Variants in ARHGAP22 observed in about 807,000 individuals in gnomAD.
The protein encoded by ARHGAP22 is Rho GTPase activating protein 22, also known as rho GTPase-activating protein 22.
A neutral mutation model predicts 59.1 loss-of-function variants in ARHGAP22; 48 were observed. The ratio of observed to expected loss-of-function variants is 0.81; its 90% CI spans 0.64 to 1.03. ARHGAP22 has a LOEUF of 1.03. ARHGAP22 is among the 50% of genes least tolerant of loss of function. The probability of loss-of-function intolerance (pLI) is 0.00; values close to 1 mark genes in which losing one functional copy is unlikely to be tolerated. For missense variants in ARHGAP22, 1,015 were observed against 958.7 expected (o/e 1.06, Z -0.78); for synonymous variants, 445 against 416.4 (o/e 1.07, Z -0.84).
intron 1 of ARHGAP22, among the ~76,000 whole-genome samples, chr10:48,645,542 C>A (rs2062257123): frequency 6.6e-6 from 1 of 151,910 alleles, no homozygotes; most frequent in Admixed American, 6.6e-5. Context: ...AGGACAAAAC[C>A]CATATAATCA....
In ARHGAP22 at chr10:48,470,495, G is replaced by A. The variant is rs577943771; in HGVS notation, c.451+9141C>T. 1.2e-3 allele frequency among the ~76,000 whole-genome samples: 183 copies of A among 152,312 alleles called. 6 individuals carry two copies. The South Asian group carries it at 0.036, about 30-fold the overall frequency. ...GGGGCTCTGGCAGGGGAGAAGCCTT[G>A]AGCGCTGCAGGGGAAGGAGGCCCAA... On this transcript the variant is annotated intron_variant, in intron 4 of 9. Transcript: ENST00000249601.
rs377495248 is a variant in ARHGAP22 at position 48,450,794 on chromosome 10, G to A, written c.1335C>T (p.Gly445=). The change falls in exon 9 of 10, where the codon GGC becomes GGT. Residue 445 remains glycine, a synonymous_variant. Coordinates refer to ENST00000249601, the MANE Select transcript of ARHGAP22 (RefSeq NM_021226.4). The stretch of plus-strand genomic sequence containing the variant: ...TGATGGGCACCTCCAGGGATGAGCC[G>A]CCCCCCTTCGGGCTTCCCGATAGGG... ...PRSLSGSPKG[G]GSSLEVPIIS... is the part of the protein sequence containing the mutation. The A allele has an allele frequency of 9.5e-6, 15 of 1,570,794 alleles. No individual in the cohort carries two copies. The highest frequency in any genetic ancestry group is 2.4e-5 in the South Asian group (2 of 84,106).
At chr10:48,524,179 G>T in intron 3 of ARHGAP22, 1 of 1,097,546 alleles carries the variant, frequency 9.1e-7, no homozygotes, top group Non-Finnish European at 1.1e-6. Flanking sequence ...CGCGGCCGAG[G>T]TCCGGCCCAC....
At chr10:48,538,552 T>C (rs2055596801) in intron 3 of ARHGAP22, among the ~76,000 whole-genome samples, 1 of 152,238 alleles carries the variant, frequency 6.6e-6, no homozygotes, top group Admixed American at 6.5e-5. Context: ...TTTTCAGTAA[T>C]TGTAATTCCA....
chr10:48,519,535 T>G (rs2053610687), intron 3 of ARHGAP22, among the ~76,000 whole-genome samples: 1 of 152,232 alleles, frequency 6.6e-6, no homozygotes, highest in South Asian at 2.1e-4. Flanking sequence ...TTCCTGTCTC[T>G]GCCCACACTC....
At chr10:48,643,451 T>G (rs1021063643) in intron 1 of ARHGAP22, among the ~76,000 whole-genome samples, 1 of 152,084 alleles carries the variant, frequency 6.6e-6, no homozygotes, top group South Asian at 2.1e-4. Context: ...ATGTCCTTTG[T>G]AGGGACATGG....
At chr10:48,551,728 A>G (rs1032618927) in intron 3 of ARHGAP22, among the ~76,000 whole-genome samples, 1 of 152,344 alleles carries the variant, frequency 6.6e-6, no homozygotes, top group Non-Finnish European at 1.5e-5. Flanking sequence ...AAGCCCCCTT[A>G]TAAGAGTGTT....
In ARHGAP22 at chr10:48,450,500, C is replaced by A. The variant is rs2045811425; in HGVS notation, c.1629G>T (p.Leu543=). 2.0e-6 allele frequency: 3 copies of A among 1,530,996 alleles called. No homozygotes were observed. In the African/African-American group the frequency reaches 4.1e-5, roughly 21 times the overall value. 94.8% of individuals were successfully genotyped at this position (1,530,996 alleles called of 1,614,324 possible). A position where few individuals can be genotyped will look rare whatever the true frequency, so the allele number is the denominator to read the frequency against. ...AGGGCTCCAGGGCCCAGTCGGTGTGCAGGGAACTGCGGGCAGACGAGTCGC... is the reference window on the plus strand; with the variant it reads ...AGGGCTCCAGGGCCCAGTCGGTGTGAAGGGAACTGCGGGCAGACGAGTCGC... ...RASDSSARSS[L]HTDWALEPSP... is the part of the protein sequence containing the mutation. Residue 543 remains leucine (L), a synonymous_variant, in exon 9 of 10, where the codon CTG becomes CTT. Transcript: ENST00000249601.
chr10:48,592,236 G>C (rs1214312750), intron 1 of ARHGAP22, among the ~76,000 whole-genome samples: 3 of 152,102 alleles, frequency 2.0e-5, no homozygotes, highest in South Asian at 4.1e-4. Context: ...GCCTAGGCTA[G>C]ACTCGAACTC....
At chr10:48,520,076 A>T (rs1431153690) in intron 3 of ARHGAP22, among the ~76,000 whole-genome samples, 3 of 152,204 alleles carry the variant, frequency 2.0e-5, no homozygotes, top group African/African-American at 7.2e-5. Flanking sequence ...ATTGGTTGTG[A>T]GAAATGAAGA....
At chr10:48,443,653 G>C (rs1361045063), downstream of ARHGAP22, among the ~76,000 whole-genome samples, 1 of 152,076 alleles carries the variant, frequency 6.6e-6, no homozygotes, top group Non-Finnish European at 1.5e-5. Context: ...TACTGGGAGG[G>C]CTCTGCAGGG....
At chr10:48,449,333 G>A (rs2045665427) in intron 9 of ARHGAP22, among the ~76,000 whole-genome samples, 1 of 152,166 alleles carries the variant, frequency 6.6e-6, no homozygotes, top group African/African-American at 2.4e-5. Flanking sequence ...CTGCCCTCAA[G>A]GTCCCTCTCC....
At chr10:48,448,564 A>C (rs1470807647) in intron 9 of ARHGAP22, among the ~76,000 whole-genome samples, 1 of 152,104 alleles carries the variant, frequency 6.6e-6, no homozygotes, top group Non-Finnish European at 1.5e-5. Flanking sequence ...CTCTGACCAG[A>C]GTCCTGGGAG....
At chr10:48,457,499 C>A (rs2046662139) in intron 5 of ARHGAP22, among the ~76,000 whole-genome samples, 1 of 152,204 alleles carries the variant, frequency 6.6e-6, no homozygotes, top group African/African-American at 2.4e-5. Context: ...CTAGGCCTCC[C>A]AGTGCTCCCT....
intron 3 of ARHGAP22, among the ~76,000 whole-genome samples, chr10:48,523,533 C>T (rs60407321): frequency 0.012 from 1,798 of 152,366 alleles, 43 homozygotes; most frequent in African/African-American, 0.041. Flanking sequence ...GGTTCCGCCG[C>T]GAGTTTTGGA....
chr10:48,637,111 C>T (rs1169052332), intron 1 of ARHGAP22, among the ~76,000 whole-genome samples: 2 of 152,188 alleles, frequency 1.3e-5, no homozygotes, highest in African/African-American at 4.8e-5. Flanking sequence ...AAGCTGATCT[C>T]CCCAGAAGCC....
intron 3 of ARHGAP22, among the ~76,000 whole-genome samples, chr10:48,528,681 A>G (rs2054552278): frequency 6.6e-6 from 1 of 151,860 alleles, no homozygotes; most frequent in African/African-American, 2.4e-5. Context: ...GCCTAGTGGG[A>G]GGTATTTGGG....
At chr10:48,503,224 A>C (rs2051716220) in intron 3 of ARHGAP22, among the ~76,000 whole-genome samples, 1 of 152,244 alleles carries the variant, frequency 6.6e-6, no homozygotes, top group Non-Finnish European at 1.5e-5. Context: ...CTGTCAGCTG[A>C]AGACCATGTT....
chr10:48,456,931 C>G (rs999769033), intron 5 of ARHGAP22, among the ~76,000 whole-genome samples: 1 of 152,088 alleles, frequency 6.6e-6, no homozygotes, highest in African/African-American at 2.4e-5. Flanking sequence ...AACAAGCACC[C>G]AAGGAGAACT....
Sources: gnomAD v4.1 joint callset for allele counts (sites outside exome capture counted in the v4.1 genomes callset) on GRCh38, gnomAD v4.1.1 for gene constraint, MANE v1.5 for transcripts, NCBI Gene and HGNC (gene_info 2026-07-23, HGNC 2026-07-21) for gene names.